Variants in EPHA10 observed in about 807,000 individuals in gnomAD.
EPHA10 encodes ephrin type-A receptor 10.
A neutral mutation model predicts 109.7 loss-of-function variants in EPHA10; 120 were observed. That is an observed-to-expected ratio of 1.09 (90% CI 0.94 to 1.27). EPHA10 has a LOEUF of 1.27. Ranked by LOEUF, EPHA10 falls within the 50% of genes most tolerant of loss-of-function variation. The pLI, the probability that EPHA10 is intolerant of heterozygous loss-of-function variation, is 0.00. For missense variants in EPHA10, 1,396 were observed against 1,411.1 expected, an observed-to-expected ratio of 0.99 and a Z score of 0.17; for synonymous variants, 640 against 618.9, an observed-to-expected ratio of 1.03 and a Z score of -0.51.
At chr1:37,733,408 G>T (rs1456251060) in intron 6 of EPHA10, among the ~76,000 whole-genome samples, 1 of 151,744 alleles carries the variant, frequency 6.6e-6, no homozygotes, top group Non-Finnish European at 1.5e-5. Flanking sequence ...TGTAGAGGTG[G>T]CGGTCTCACT....
In EPHA10 at chr1:37,731,415, C is replaced by G; in HGVS notation, c.1659G>C (p.Gly553=). The change falls in exon 7 of 17, where the codon GGG becomes GGC. Residue 553 remains glycine, a synonymous_variant. Coordinates refer to ENST00000373048, the MANE Select transcript of EPHA10 (RefSeq NM_001099439.2). ...CCACTCACACACACTACTTACCCTC[C>G]CCCAGGGTCTGTACTTCAATGCTGG... ...FNPSIEVQTL[G]EAASGSRDQS... is the part of the protein sequence containing the mutation. 6.2e-7 allele frequency: 1 copy of G among 1,604,850 alleles called. No homozygotes were observed. The highest frequency in any genetic ancestry group is 8.5e-7 in the Non-Finnish European group (1 of 1,174,856).
chr1:37,757,340 C>T (rs1054111580), intron 3 of EPHA10, among the ~76,000 whole-genome samples: 1 of 152,210 alleles, frequency 6.6e-6, no homozygotes, highest in African/African-American at 2.4e-5. Flanking sequence ...GCAGAAGGCA[C>T]TTGGAAGGCC....
intron 5 of EPHA10, among the ~76,000 whole-genome samples, chr1:37,741,639 G>A (rs1454535063): frequency 6.6e-6 from 1 of 151,972 alleles, no homozygotes; most frequent in Admixed American, 6.6e-5. Context: ...AGTGGGACTA[G>A]ATCAAAAAGT....
At chr1:37,732,757 A>C (rs1646005263) in intron 6 of EPHA10, among the ~76,000 whole-genome samples, 1 of 149,278 alleles carries the variant, frequency 6.7e-6, no homozygotes, top group African/African-American at 2.5e-5. Context: ...TCCAGAGGGG[A>C]GCTGCCAGAC....
At chr1:37,753,902 C>G (rs1257772767) in intron 4 of EPHA10, among the ~76,000 whole-genome samples, 6 of 152,014 alleles carry the variant, frequency 3.9e-5, no homozygotes, top group Admixed American at 6.5e-5. Context: ...GCCCCCCTTT[C>G]GGCTGGAGGG....
Position 37,716,970 on chromosome 1 carries a change from C to T in EPHA10, c.*1402G>A, listed in dbSNP as rs1161140891. 1.7e-5 allele frequency: 4 copies of T among 233,108 alleles called. No homozygotes were observed. In the East Asian group the frequency reaches 1.8e-4, roughly 11 times the overall value. 14.4% of individuals were successfully genotyped at this position (233,108 alleles called of 1,614,324 possible). Reference sequence around the variant, plus strand: ...TCTTCTCCTGGTCTAGTCTGAGCCCCCCAAGGGCAGGCTGTGTGTCTTTTT... The same window carrying T: ...TCTTCTCCTGGTCTAGTCTGAGCCCTCCAAGGGCAGGCTGTGTGTCTTTTT... On this transcript the variant is annotated 3_prime_UTR_variant, in exon 17 of 17. Transcript: ENST00000373048.
Position 37,752,823 on chromosome 1 carries a change from C to T in EPHA10, c.1357+53G>A. 4.2e-6 allele frequency: 5 copies of T among 1,187,234 alleles called. No individual in the cohort carries two copies. In the South Asian group the frequency reaches 1.2e-4, roughly 27 times the overall value. 73.5% of individuals were successfully genotyped at this position (1,187,234 alleles called of 1,614,324 possible). A position where few individuals can be genotyped will look rare whatever the true frequency, so the allele number is the denominator to read the frequency against. On this transcript the variant is annotated intron_variant, in intron 5 of 16. Coordinates refer to ENST00000373048, the MANE Select transcript of EPHA10 (RefSeq NM_001099439.2). Reference sequence around the variant, plus strand: ...GACCGACGGGGCGGCCCCAAGAGGGCGCAGGGGCGGCAGGCGCGGTGGCCT... The same window carrying T: ...GACCGACGGGGCGGCCCCAAGAGGGTGCAGGGGCGGCAGGCGCGGTGGCCT...
chr1:37,751,242 GAAAAAA>G (rs34839037), intron 5 of EPHA10, among the ~76,000 whole-genome samples: 37 of 124,328 alleles, frequency 3.0e-4, no homozygotes, highest in Admixed American at 6.2e-4. Flanking sequence ...AAAAGAAAAA[GAAAAAA>G]AAAAAAGAAA....
In EPHA10 at chr1:37,764,943, G is replaced by C; in HGVS notation, c.106+18C>G. The C allele has an allele frequency of 6.3e-7, 1 of 1,592,772 alleles. No homozygotes were observed. Among genetic ancestry groups the C allele is most frequent in the Non-Finnish European group, 8.5e-7 (1 of 1,170,354 alleles). Reference sequence around the variant, plus strand: ...TTTGGTATGCCACGCTCCGAGCAGAGCTCACCAGTCTTCTCACCTTCCTCG... The same window carrying C: ...TTTGGTATGCCACGCTCCGAGCAGACCTCACCAGTCTTCTCACCTTCCTCG... On this transcript the variant is annotated intron_variant, in intron 1 of 16. Transcript: ENST00000373048. The surrounding 1 kb of genome is among the most constrained non-coding windows in gnomAD (Gnocchi z 5.8).
chr1:37,722,185 CTGAGT>C, intron 10 of EPHA10: 1 of 244,234 alleles, frequency 4.1e-6, no homozygotes, highest in Non-Finnish European at 8.2e-6. Context: ...TCCTGGTAAA[CTGAGT>C]ACCAGCAGTG....
Position 37,762,089 on chromosome 1 carries a change from G to A in EPHA10, c.172-6C>T. On this transcript the variant is annotated splice_region_variant and splice_polypyrimidine_tract_variant and intron_variant, in intron 2 of 16. Coordinates refer to ENST00000373048, the MANE Select transcript of EPHA10 (RefSeq NM_001099439.2). The stretch of plus-strand genomic sequence containing the variant: ...ACGCCGCTGATCTCCTCCCACTGGG[G>A]ACAAGAGTAAAGGGGTGGGCAGCCC... The A allele has an allele frequency of 6.4e-7, 1 of 1,573,980 alleles. No individual in the cohort carries two copies. Among genetic ancestry groups the A allele is most frequent in the East Asian group, 2.2e-5 (1 of 44,490 alleles).
intron 5 of EPHA10, among the ~76,000 whole-genome samples, chr1:37,750,988 G>A (rs1188719192): frequency 6.7e-6 from 1 of 149,522 alleles, no homozygotes; most frequent in East Asian, 2.0e-4. Context: ...GACAGATCAC[G>A]AGCTCAGGAG....
At chr1:37,749,745 T>G (rs1050248860) in intron 5 of EPHA10, among the ~76,000 whole-genome samples, 1 of 152,148 alleles carries the variant, frequency 6.6e-6, no homozygotes, top group Non-Finnish European at 1.5e-5. Context: ...CATGCATTGC[T>G]AAATGATGGG....
At position 37,720,361 on chromosome 1, in the gene EPHA10, T is replaced by C; in HGVS notation, c.2402A>G (p.Tyr801Cys). The change falls in exon 13 of 17, where the codon TAC becomes TGC. Residue 801 changes from tyrosine to cysteine, a missense_variant. By Grantham distance (194) the Tyr-to-Cys change is radical (BLOSUM62 -2). Coordinates refer to ENST00000373048, the MANE Select transcript of EPHA10 (RefSeq NM_001099439.2). ...RGPRDRSEAV[Y>C]TTMSGRSPAL... is the part of the protein sequence containing the mutation. ...TGGGGGCGCCCTCACCATAGTGGTGTAGACAGCCTCTGATCGGTCCCGGGG... is the reference window on the plus strand; with the variant it reads ...TGGGGGCGCCCTCACCATAGTGGTGCAGACAGCCTCTGATCGGTCCCGGGG... The C allele has an allele frequency of 6.2e-7, 1 of 1,607,502 alleles. No individual in the cohort carries two copies. The highest frequency in any genetic ancestry group is 8.5e-7 in the Non-Finnish European group (1 of 1,177,856).
At chr1:37,719,715 C>A in intron 14 of EPHA10, 108 bp from the exon 15 acceptor site, 1 of 1,426,090 alleles carries the variant, frequency 7.0e-7, no homozygotes, top group East Asian at 2.3e-5. Context: ...CACACACATG[C>A]GCACACACAG....
chr1:37,746,131 G>T (rs1168405374), intron 5 of EPHA10, among the ~76,000 whole-genome samples: 2 of 122,696 alleles, frequency 1.6e-5, no homozygotes, highest in Admixed American at 2.0e-4. Flanking sequence ...ATGGAGTTTC[G>T]CTCTTGTTGC....
Position 37,720,811 on chromosome 1 carries a change from C to T in EPHA10, c.2180G>A (p.Ser727Asn). ...STLMIVTEYM[S>N]HGALDGFLRR... The stretch of plus-strand genomic sequence containing the variant: ...GAGGAAGCCGTCCAGGGCCCCATGG[C>T]TCATGTACTCGGTGACAATCATCAA... Residue 727 changes from serine (S) to asparagine (N), a missense_variant, in exon 12 of 17, where the codon AGC becomes AAC. Coordinates refer to ENST00000373048, the MANE Select transcript of EPHA10 (RefSeq NM_001099439.2). The T allele has an allele frequency of 6.2e-7, 1 of 1,614,124 alleles. No individual in the cohort carries two copies. Among genetic ancestry groups the T allele is most frequent in the Non-Finnish European group, 8.5e-7 (1 of 1,180,024 alleles).
chr1:37,718,079 GC>G lies in EPHA10; in HGVS notation c.*292del, dbSNP rs1645719932. On this transcript the variant is annotated 3_prime_UTR_variant, in exon 17 of 17. Transcript: ENST00000373048. ...ACCCACTGTCTTCCCTCCCATCCCT[GC>G]CCCAGCTTTTCTCTGAGACCCCGAA... 2 of 439,232 alleles carry G rather than the reference GC, an allele frequency of 4.6e-6. No individual in the cohort carries two copies. The highest frequency in any genetic ancestry group is 2.0e-5 in the African/African-American group (1 of 50,070). The allele number at this position is 439,232 out of a possible 1,614,324, so 27.2% of individuals were successfully genotyped here. A position where few individuals can be genotyped will look rare whatever the true frequency, so the allele number is the denominator to read the frequency against.
chr1:37,719,059 G>A (rs1291990107), intron 15 of EPHA10: 1 of 609,848 alleles, frequency 1.6e-6, no homozygotes, highest in African/African-American at 1.9e-5. Context: ...ACAGTCTGGG[G>A]TAGGACACGC....
Sources: allele counts gnomAD v4.1 joint callset (sites outside exome capture counted in the v4.1 genomes callset), GRCh38; gene constraint gnomAD v4.1.1; non-coding constraint Gnocchi (gnomAD v3.1); transcripts MANE v1.5; gene names NCBI Gene and HGNC (gene_info 2026-07-23, HGNC 2026-07-21).